The following HNRNPLL variants were observed in gnomAD, a reference collection of about 807,000 sequenced individuals.
HNRNPLL encodes heterogeneous nuclear ribonucleoprotein L like.
Under a neutral mutation model 67.1 loss-of-function variants are expected in HNRNPLL, and 25 were observed. The observed-to-expected ratio is 0.37, with a 90% CI of 0.27 to 0.52. The LOEUF (loss-of-function observed/expected upper bound fraction) is 0.52. HNRNPLL is among the 20% of genes least tolerant of loss of function. The pLI is 0.90. For synonymous variants in HNRNPLL, 267 were observed against 241.7 expected, an observed-to-expected ratio of 1.10 and a Z score of -0.97; for missense variants, 542 against 673.9, an observed-to-expected ratio of 0.80 and a Z score of 2.17.
At chr2:38,577,400 C>A in intron 7 of HNRNPLL, 61 bp downstream of exon 7, 3 of 1,031,480 alleles carry the variant, frequency 2.9e-6, no homozygotes, top group East Asian at 4.8e-5. Context: ...CATACTTCAT[C>A]AGAAATGCAG....
In HNRNPLL at chr2:38,597,771, C is replaced by T. The variant is rs528522598; in HGVS notation, c.189+4667G>A. ...TGGCACGATCTCAGCTCACTGCAAC[C>T]GTCGCCCCTCCAGGTTTAGCAATTC... On this transcript the variant is annotated intron_variant, in intron 1 of 12. Coordinates refer to ENST00000449105, the MANE Select transcript of HNRNPLL (RefSeq NM_138394.4). Among the ~76,000 whole-genome samples, 10 of 152,100 alleles carry T rather than the reference C, an allele frequency of 6.6e-5. No homozygotes were observed. In the South Asian group the frequency reaches 1.0e-3, roughly 16 times the overall value.
At chr2:38,592,205 C>G (rs748308692) in intron 1 of HNRNPLL, among the ~76,000 whole-genome samples, 2 of 152,056 alleles carry the variant, frequency 1.3e-5, no homozygotes, top group African/African-American at 2.4e-5. Context: ...ATTTCAACTT[C>G]AAGAAAATCT....
chr2:38,570,004 T>TA, intron 8 of HNRNPLL, 79 bp from the exon 9 acceptor site: 1 of 968,250 alleles, frequency 1.0e-6, no homozygotes, highest in Non-Finnish European at 1.6e-6. Flanking sequence ...CAATACGACC[T>TA]AAGTGGTTAA....
rs550154523 is a variant in HNRNPLL at position 38,572,479 on chromosome 2, T to G, written c.1092+731A>C. ...CAGTACTAAAACTCAAATTAGCAAG[T>G]GTTTTTATCAAACTACTGGTAACTT... On this transcript the variant is annotated intron_variant, in intron 8 of 12. Coordinates refer to ENST00000449105, the MANE Select transcript of HNRNPLL (RefSeq NM_138394.4). Among the ~76,000 whole-genome samples, 6 of 152,214 alleles carry G rather than the reference T, an allele frequency of 3.9e-5. No homozygotes were observed. In the East Asian group the frequency reaches 1.2e-3, roughly 29 times the overall value.
At position 38,562,802 on chromosome 2, in the gene HNRNPLL, T is replaced by C. The variant is rs1416125486; in HGVS notation, c.*1380A>G. The C allele has an allele frequency of 1.3e-5, 2 of 152,122 alleles. No individual in the cohort carries two copies. Among genetic ancestry groups the C allele is most frequent in the African/African-American group, 4.8e-5 (2 of 41,458 alleles). The allele number at this position is 152,122 out of a possible 1,614,324, so 9.4% of individuals were successfully genotyped here. On this transcript the variant is annotated 3_prime_UTR_variant, in exon 13 of 13. Transcript: ENST00000449105. ...AGGGGAAATAAATGTTAATGTGTGT[T>C]TAGTTTCCATCTAAACTTCCTATTA...
intron 2 of HNRNPLL, among the ~76,000 whole-genome samples, chr2:38,590,445 C>T (rs1324871963): frequency 2.0e-5 from 3 of 151,972 alleles, no homozygotes; most frequent in African/African-American, 7.3e-5. Context: ...TCTGTGTCTT[C>T]GATAGCTGTA....
intron 7 of HNRNPLL, among the ~76,000 whole-genome samples, chr2:38,573,820 G>A (rs1024826711): frequency 6.6e-6 from 1 of 151,878 alleles, no homozygotes; most frequent in African/African-American, 2.4e-5. Flanking sequence ...AATATTACAT[G>A]TACAGTGAAA....
At chr2:38,567,554 T>A (rs1047953603) in intron 12 of HNRNPLL, among the ~76,000 whole-genome samples, 1 of 152,222 alleles carries the variant, frequency 6.6e-6, no homozygotes, top group Admixed American at 6.5e-5. Context: ...AACATATGCA[T>A]GTATTGCTTT....
chr2:38,569,836 A>G lies in HNRNPLL; in HGVS notation c.1182T>C (p.Asn394=). 6.8e-7 allele frequency: 1 copy of G among 1,477,692 alleles called. No homozygotes were observed. The highest frequency in any genetic ancestry group is 9.4e-7 in the Non-Finnish European group (1 of 1,067,154). 91.5% of individuals were successfully genotyped at this position (1,477,692 alleles called of 1,614,324 possible). A position where few individuals can be genotyped will look rare whatever the true frequency, so the allele number is the denominator to read the frequency against. Residue 394 remains asparagine, a synonymous_variant, in exon 9 of 13, where the codon AAT becomes AAC. Transcript: ENST00000449105. ...AVERAVTHLN[N]VKLFGKRLNV... ...TAAGTCTTTTCCCAAATAATTTGAC[A>G]TTATTAAGGTGTGTGACAGCTCTTT...
rs201359399 is a variant in HNRNPLL, at chr2:38,569,272, C to T, written c.1277G>A (p.Ser426Asn). The T allele has an allele frequency of 6.2e-7, 1 of 1,613,212 alleles. No homozygotes were observed. The highest frequency in any genetic ancestry group is 1.7e-5 in the Admixed American group (1 of 59,998). ...QIFELEDGTSSYKDFAMSKNN... is the reference protein window; with the variant it reads ...QIFELEDGTSNYKDFAMSKNN... Reference sequence around the variant, plus strand: ...TTTGCTCATTGCAAAATCTTTGTAGCTGCTGGTACCATCCTCCAGCTCAAA... The same window carrying T: ...TTTGCTCATTGCAAAATCTTTGTAGTTGCTGGTACCATCCTCCAGCTCAAA... The change falls in exon 10 of 13, where the codon AGC becomes AAC. Residue 426 changes from serine to asparagine, a missense_variant. By Grantham distance (46) the Ser-to-Asn change is conservative (BLOSUM62 1). Around this residue, in one of 2 missense-constraint regions of HNRNPLL, gnomAD observed 415 missense variants for 575.2 expected, o/e 0.72. Coordinates refer to ENST00000449105, the MANE Select transcript of HNRNPLL (RefSeq NM_138394.4).
intron 8 of HNRNPLL, 87 bp from the exon 9 acceptor site, chr2:38,570,012 TAAAGTA>T (rs1442032519): frequency 7.0e-6 from 6 of 851,250 alleles, no homozygotes; most frequent in Non-Finnish European, 1.1e-5. Context: ...CCTAAGTGGT[TAAAGTA>T]AAATACGGAA....
Position 38,563,662 on chromosome 2 carries a change from T to A in HNRNPLL, c.*520A>T, listed in dbSNP as rs1486852821. ...CATGTCTGTTAGCCTTTCAGAAATA[T>A]AAAATCAGTTAAATCTGTAGTACTT... On this transcript the variant is annotated 3_prime_UTR_variant, in exon 13 of 13. Coordinates refer to ENST00000449105, the MANE Select transcript of HNRNPLL (RefSeq NM_138394.4). The A allele has an allele frequency of 6.5e-6, 1 of 152,850 alleles. No individual in the cohort carries two copies. The highest frequency in any genetic ancestry group is 2.4e-5 in the African/African-American group (1 of 41,462). The allele number at this position is 152,850 out of a possible 1,614,324, so 9.5% of individuals were successfully genotyped here.
chr2:38,583,112 T>C (rs1218165196), intron 4 of HNRNPLL, among the ~76,000 whole-genome samples: 2 of 152,150 alleles, frequency 1.3e-5, no homozygotes, highest in African/African-American at 4.8e-5. Context: ...GATTTTTACA[T>C]ATTTCTGAGA....
chr2:38,564,034 T>A lies in HNRNPLL; in HGVS notation c.*148A>T. On this transcript the variant is annotated 3_prime_UTR_variant, in exon 13 of 13. Coordinates refer to ENST00000449105, the MANE Select transcript of HNRNPLL (RefSeq NM_138394.4). ...TCAATATTTAAGCTTACAACAAATT[T>A]ACTCAAGGCAAAATATGTTTATTAC... 1 of 615,598 alleles carries A rather than the reference T, an allele frequency of 1.6e-6. No individual in the cohort carries two copies. The highest frequency in any genetic ancestry group is 2.9e-6 in the Non-Finnish European group (1 of 341,190). 38.1% of individuals were successfully genotyped at this position (615,598 alleles called of 1,614,324 possible). A position where few individuals can be genotyped will look rare whatever the true frequency, so the allele number is the denominator to read the frequency against.
At chr2:38,584,937 C>A (rs2148364348) in intron 3 of HNRNPLL, among the ~76,000 whole-genome samples, 1 of 151,876 alleles carries the variant, frequency 6.6e-6, no homozygotes, top group East Asian at 1.9e-4. Context: ...ATTAATAAGT[C>A]TATATTTAAA....
At chr2:38,569,479 T>G (rs1012010317) in intron 9 of HNRNPLL, 145 bp from the exon 10 acceptor site, 2 of 611,616 alleles carry the variant, frequency 3.3e-6, no homozygotes, top group Non-Finnish European at 5.7e-6. Flanking sequence ...GGATTTAGTT[T>G]GGGTTATAAT....
rs541777444 is a variant in HNRNPLL at position 38,579,397 on chromosome 2, CTT to C, written c.803-1867_803-1866del. 4.7e-4 allele frequency among the ~76,000 whole-genome samples: 72 copies of C among 151,642 alleles called. 4 individuals carry two copies. In the East Asian group the frequency reaches 0.014, roughly 29 times the overall value. On this transcript the variant is annotated intron_variant, in intron 6 of 12. Coordinates refer to ENST00000449105, the MANE Select transcript of HNRNPLL (RefSeq NM_138394.4). ...CACATTGTGCACATGTACCCTAAAA[CTT>C]AAAGTATAATAATAATAAAATAAAA...
In HNRNPLL at chr2:38,602,194, A is replaced by G; in HGVS notation, c.189+244T>C. On this transcript the variant is annotated intron_variant, in intron 1 of 12. Transcript: ENST00000449105. ...CCGCCGCCGCGCCGCGACCCTCCCC[A>G]AGTTCAGGGCCCGGCAGTGGACTCG... The G allele has an allele frequency of 9.0e-6, 4 of 445,798 alleles. No individual in the cohort carries two copies. The South Asian group carries it at 1.2e-4, about 14-fold the overall frequency. The allele number at this position is 445,798 out of a possible 1,614,324, so 27.6% of individuals were successfully genotyped here. A position where few individuals can be genotyped will look rare whatever the true frequency, so the allele number is the denominator to read the frequency against.
rs13425479 is a variant in HNRNPLL, at chr2:38,592,440, T to C, written c.190-792A>G. 4.9e-3 allele frequency among the ~76,000 whole-genome samples: 749 copies of C among 152,352 alleles called. 8 individuals carry two copies. The highest frequency in any genetic ancestry group is 8.1e-3 in the Non-Finnish European group (551 of 68,032). ...ATTGGTTATCTAGTCCCACTATAAC[T>C]TGAGGATACTCACTTAGCAGTATTA... On this transcript the variant is annotated intron_variant, in intron 1 of 12. Coordinates refer to ENST00000449105, the MANE Select transcript of HNRNPLL (RefSeq NM_138394.4).
Sources: allele counts gnomAD v4.1 joint callset (sites outside exome capture counted in the v4.1 genomes callset), GRCh38; gene constraint gnomAD v4.1.1; regional missense constraint gnomAD v4.1.1; transcripts MANE v1.5; gene names NCBI Gene and HGNC (gene_info 2026-07-23, HGNC 2026-07-21).